The following CACNA2D2 variants were observed in gnomAD, a reference collection of about 807,000 sequenced individuals.
CACNA2D2 encodes the protein voltage-dependent calcium channel subunit alpha-2/delta-2.
CACNA2D2 carries 48 observed loss-of-function variants against 166.4 expected under a neutral mutation model. The observed-to-expected ratio is 0.29, with a 90% CI of 0.23 to 0.37. CACNA2D2 has a LOEUF of 0.37. Among genes scored for constraint, CACNA2D2 ranks in the 10% least tolerant of loss-of-function variants. The pLI is 1.00. For missense variants in CACNA2D2, 1,122 were observed against 1,433.0 expected (o/e 0.78, Z 3.50); for synonymous variants, 561 against 573.7 (o/e 0.98, Z 0.32).
At chr3:50,396,824 T>C (rs72936962) in intron 3 of CACNA2D2, among the ~76,000 whole-genome samples, 4,734 of 152,230 alleles carry the variant, frequency 0.031, 239 homozygotes, top group African/African-American at 0.11. Context: ...AGTGGGGCTC[T>C]GTTGAGGCCC....
At chr3:50,406,332 A>AG (rs1414698980) in intron 3 of CACNA2D2, among the ~76,000 whole-genome samples, 1 of 151,788 alleles carries the variant, frequency 6.6e-6, no homozygotes, top group African/African-American at 2.4e-5. Flanking sequence ...AAAGAAAAAA[A>AG]GCACCAAGCA....
At chr3:50,434,929 CT>C (rs1200001426) in intron 2 of CACNA2D2, among the ~76,000 whole-genome samples, 1 of 152,226 alleles carries the variant, frequency 6.6e-6, no homozygotes, top group Non-Finnish European at 1.5e-5. Flanking sequence ...CATCTGGACC[CT>C]TTTTTGTGGG....
chr3:50,410,489 G>C (rs940012886), intron 3 of CACNA2D2, among the ~76,000 whole-genome samples: 5 of 152,098 alleles, frequency 3.3e-5, no homozygotes, highest in East Asian at 3.9e-4. Context: ...ATGGGGGGGG[G>C]GGTGTTGTCT....
chr3:50,376,007 G>C lies in CACNA2D2; in HGVS notation c.1729C>G (p.Leu577Val), dbSNP rs767800174. The C allele has an allele frequency of 6.2e-7, 1 of 1,613,396 alleles. No homozygotes were observed. The highest frequency in any genetic ancestry group is 8.5e-7 in the Non-Finnish European group (1 of 1,179,986). ...QTTNFREPVTLDFLDAELEDE... is the reference protein window; with the variant it reads ...QTTNFREPVTVDFLDAELEDE... ...TCTAGCTCCGCATCCAGGAAGTCCA[G>C]AGTCACAGGCTCCCGGAAGTTGGTG... Residue 577 changes from leucine (L) to valine (V), a missense_variant, in exon 19 of 38, where the codon CTG becomes GTG. Around this residue, in one of 2 missense-constraint regions of CACNA2D2, gnomAD observed 840 missense variants for 1,166.8 expected, o/e 0.72. Transcript: ENST00000424201. This position sits in a 1 kb window ranked among gnomAD's most constrained non-coding sequence, Gnocchi z 4.3.
At chr3:50,378,885 G>A in intron 13 of CACNA2D2, 30 bp downstream of exon 13, 1 of 1,609,882 alleles carries the variant, frequency 6.2e-7, no homozygotes, top group East Asian at 2.2e-5. Flanking sequence ...TGGCAGGCAG[G>A]CCCCTGACAG....
chr3:50,464,179 C>T (rs1271203649), intron 2 of CACNA2D2, among the ~76,000 whole-genome samples: 1 of 152,230 alleles, frequency 6.6e-6, no homozygotes, highest in African/African-American at 2.4e-5. Context: ...GGGATCACCC[C>T]AAATATTCAC....
intron 3 of CACNA2D2, among the ~76,000 whole-genome samples, chr3:50,431,584 C>T (rs1559941036): frequency 6.6e-6 from 1 of 152,174 alleles, no homozygotes; most frequent in Non-Finnish European, 1.5e-5. Context: ...GCCAAGGTAG[C>T]CAGGGCTTCC....
chr3:50,456,790 A>G (rs973505563), intron 2 of CACNA2D2, among the ~76,000 whole-genome samples: 1 of 152,094 alleles, frequency 6.6e-6, no homozygotes. Context: ...CAGGGAGGGG[A>G]AGGTCATGCA....
At chr3:50,470,341 G>C (rs577279794) in intron 2 of CACNA2D2, among the ~76,000 whole-genome samples, 1 of 152,176 alleles carries the variant, frequency 6.6e-6, no homozygotes, top group Non-Finnish European at 1.5e-5. Flanking sequence ...ACTGGGGTGG[G>C]GGAGGCTCCA....
chr3:50,394,092 G>T lies in CACNA2D2; in HGVS notation c.465+17C>A. ...TGGGCATGCCCTAAGTGCTGGGCAGGGTGCTGGGGTTCCTACCTTGATGTT... is the reference window on the plus strand; with the variant it reads ...TGGGCATGCCCTAAGTGCTGGGCAGTGTGCTGGGGTTCCTACCTTGATGTT... On this transcript the variant is annotated intron_variant, in intron 4 of 37. Transcript: ENST00000424201. 6.2e-7 allele frequency: 1 copy of T among 1,613,016 alleles called. No homozygotes were observed. The highest frequency in any genetic ancestry group is 1.1e-5 in the South Asian group (1 of 91,044).
At chr3:50,412,617 G>A (rs1327389313) in intron 3 of CACNA2D2, among the ~76,000 whole-genome samples, 1 of 151,920 alleles carries the variant, frequency 6.6e-6, no homozygotes, top group African/African-American at 2.4e-5. Context: ...TGCAGGGGGT[G>A]GGGAGGGAGA....
intron 1 of CACNA2D2, among the ~76,000 whole-genome samples, chr3:50,484,078 G>A (rs568237668): frequency 3.3e-5 from 5 of 152,136 alleles, no homozygotes; most frequent in South Asian, 2.1e-4. Context: ...AGATCCTGAC[G>A]GTCCCTTGGG....
At chr3:50,388,341 G>A (rs1160829409) in intron 4 of CACNA2D2, among the ~76,000 whole-genome samples, 1 of 152,202 alleles carries the variant, frequency 6.6e-6, no homozygotes, top group Non-Finnish European at 1.5e-5. Flanking sequence ...AGGTGAGCCC[G>A]GTGTCAGCCA....
At chr3:50,475,919 G>A (rs975684857) in intron 2 of CACNA2D2, among the ~76,000 whole-genome samples, 199 bp downstream of exon 2, 18 of 152,156 alleles carry the variant, frequency 1.2e-4, no homozygotes, top group East Asian at 1.2e-3. Context: ...GGCTCCGATC[G>A]TTGCCTCAGG....
In CACNA2D2 at chr3:50,376,060, G is replaced by C. The variant is rs768214261; in HGVS notation, c.1702-26C>G. On this transcript the variant is annotated intron_variant, in intron 18 of 37. Coordinates refer to ENST00000424201, the MANE Select transcript of CACNA2D2 (RefSeq NM_006030.4). The surrounding 1 kb of genome is among the most constrained non-coding windows in gnomAD (Gnocchi z 4.3). ...CTGTTGGAGGCAGGGTGGGAAGTCA[G>C]AAGTCCCCATTGTGGAAGGTTTGCC... 4.3e-6 allele frequency: 7 copies of C among 1,613,198 alleles called. No homozygotes were observed. Among genetic ancestry groups the C allele is most frequent in the Non-Finnish European group, 5.9e-6 (7 of 1,180,014 alleles).
chr3:50,364,844 G>A (rs747412874), intron 37 of CACNA2D2, 38 bp from the exon 38 acceptor site: 3 of 1,613,156 alleles, frequency 1.9e-6, no homozygotes, highest in African/African-American at 2.7e-5. Context: ...GCCTGGGCGG[G>A]CGCAAGGCCG....
intron 2 of CACNA2D2, among the ~76,000 whole-genome samples, chr3:50,470,142 C>A (rs1004672557): frequency 2.6e-5 from 4 of 152,212 alleles, no homozygotes; most frequent in African/African-American, 9.6e-5. Context: ...TGCCAGGACT[C>A]TAGGAGCCAG....
At chr3:50,442,076 G>A (rs1708624267) in intron 2 of CACNA2D2, among the ~76,000 whole-genome samples, 1 of 152,232 alleles carries the variant, frequency 6.6e-6, no homozygotes, top group Non-Finnish European at 1.5e-5. Flanking sequence ...CTATGGCCGT[G>A]TGCCTATGTG....
chr3:50,421,328 A>C (rs1707551964), intron 3 of CACNA2D2, among the ~76,000 whole-genome samples: 1 of 152,170 alleles, frequency 6.6e-6, no homozygotes, highest in East Asian at 1.9e-4. Context: ...CCAGGTATGC[A>C]AATGGGTGGC....
Sources: allele counts gnomAD v4.1 joint callset (sites outside exome capture counted in the v4.1 genomes callset), GRCh38; gene constraint gnomAD v4.1.1; regional missense constraint gnomAD v4.1.1; non-coding constraint Gnocchi (gnomAD v3.1); transcripts MANE v1.5; gene names NCBI Gene and HGNC (gene_info 2026-07-23, HGNC 2026-07-21).